Variants in LINGO2 observed in about 807,000 individuals in gnomAD.
The protein encoded by LINGO2 is leucine-rich repeat and immunoglobulin-like domain-containing nogo receptor-interacting protein 2.
Under a neutral mutation model 30.6 loss-of-function variants are expected in LINGO2, and 14 were observed. The ratio of observed to expected loss-of-function variants is 0.46; its 90% CI spans 0.30 to 0.72. The LOEUF (loss-of-function observed/expected upper bound fraction) is 0.72, where lower values mean the gene tolerates loss of function less well. Among genes scored for constraint, LINGO2 ranks in the 30% least tolerant of loss-of-function variants. The pLI is 0.07. For synonymous variants in LINGO2, 317 were observed against 288.5 expected, an observed-to-expected ratio of 1.10 and a Z score of -1.00; for missense variants, 729 against 751.7, an observed-to-expected ratio of 0.97 and a Z score of 0.35.
chr9:28,167,833 C>A (rs1828474950), intron 4 of LINGO2, among the ~76,000 whole-genome samples: 1 of 152,174 alleles, frequency 6.6e-6, no homozygotes, highest in African/African-American at 2.4e-5. Context: ...AAAGAGCCCA[C>A]CAGGTGATTC....
intron 3 of LINGO2, among the ~76,000 whole-genome samples, chr9:28,297,860 A>G (rs1449125619): frequency 6.6e-6 from 1 of 152,214 alleles, no homozygotes; most frequent in Non-Finnish European, 1.5e-5. Flanking sequence ...AAGGAATTAC[A>G]GTACAATCCT....
chr9:28,282,676 A>T (rs149652218), intron 4 of LINGO2, among the ~76,000 whole-genome samples: 1 of 152,242 alleles, frequency 6.6e-6, no homozygotes, highest in African/African-American at 2.4e-5. Context: ...TTTTGCATCA[A>T]CTATGCCCTG....
At chr9:28,200,789 T>G (rs1820202506) in intron 4 of LINGO2, among the ~76,000 whole-genome samples, 1 of 152,212 alleles carries the variant, frequency 6.6e-6, no homozygotes, top group South Asian at 2.1e-4. Flanking sequence ...ATCAGCATTT[T>G]TAAAGTCCAG....
At chr9:28,355,737 T>G (rs1820180858) in intron 3 of LINGO2, among the ~76,000 whole-genome samples, 3 of 152,102 alleles carry the variant, frequency 2.0e-5, no homozygotes. Flanking sequence ...AGAGATTGCT[T>G]TTGCGTAGTA....
chr9:28,069,767 A>G (rs1056917975), intron 4 of LINGO2, among the ~76,000 whole-genome samples: 2 of 152,272 alleles, frequency 1.3e-5, no homozygotes, highest in Admixed American at 1.3e-4. Context: ...GGCCAGAGAC[A>G]TCCAACTTAT....
chr9:28,367,522 T>C (rs1182475983), intron 3 of LINGO2, among the ~76,000 whole-genome samples: 1 of 152,106 alleles, frequency 6.6e-6, no homozygotes, highest in African/African-American at 2.4e-5. Context: ...GGGGCCATTT[T>C]CTCTTCTTTC....
intron 1 of LINGO2, among the ~76,000 whole-genome samples, chr9:28,637,036 A>T (rs1241391998): frequency 1.3e-5 from 2 of 152,200 alleles, no homozygotes; most frequent in Admixed American, 6.5e-5. Flanking sequence ...AGCTTTCTAC[A>T]TATGGCTAGC....
At chr9:28,033,780 G>A (rs962812813) in intron 4 of LINGO2, among the ~76,000 whole-genome samples, 3 of 152,174 alleles carry the variant, frequency 2.0e-5, no homozygotes, top group Non-Finnish European at 4.4e-5. Context: ...AAATTCGTTA[G>A]GAAGACAGAA....
chr9:28,857,831 T>C, the LINGO2 span, among the ~76,000 whole-genome samples: 2 of 152,198 alleles, frequency 1.3e-5, no homozygotes, highest in African/African-American at 4.8e-5. Flanking sequence ...TTGTTGAAAA[T>C]ATATTTTGGA....
chr9:29,185,382 T>C, the LINGO2 span, among the ~76,000 whole-genome samples: 3 of 152,078 alleles, frequency 2.0e-5, no homozygotes, highest in African/African-American at 2.4e-5. Context: ...CAACAAAATA[T>C]AAAAAACTAG....
intron 1 of LINGO2, among the ~76,000 whole-genome samples, chr9:28,643,318 C>G (rs1019082322): frequency 3.3e-5 from 5 of 151,920 alleles, no homozygotes; most frequent in Non-Finnish European, 5.9e-5. Context: ...ACCAAAAAAG[C>G]ATGCTACTGG....
chr9:28,755,618 A>C, the LINGO2 span, among the ~76,000 whole-genome samples: 1 of 152,200 alleles, frequency 6.6e-6, no homozygotes, highest in African/African-American at 2.4e-5. Context: ...GGAAGGAAGA[A>C]ATGATGCTAT....
the LINGO2 span, among the ~76,000 whole-genome samples, chr9:29,163,676 A>ATCAT: frequency 1.3e-5 from 2 of 152,220 alleles, no homozygotes; most frequent in African/African-American, 4.8e-5. Flanking sequence ...AGACTATGAA[A>ATCAT]ATCCCCATTG....
At chr9:28,953,550 G>A in the LINGO2 span, among the ~76,000 whole-genome samples, 1 of 151,930 alleles carries the variant, frequency 6.6e-6, no homozygotes, top group Admixed American at 6.6e-5. Flanking sequence ...AAAAAAATTA[G>A]GGGAGTGAGA....
the LINGO2 span, among the ~76,000 whole-genome samples, chr9:28,707,544 C>A: frequency 6.6e-6 from 1 of 152,094 alleles, no homozygotes; most frequent in Non-Finnish European, 1.5e-5. Context: ...TCAAGGAGCA[C>A]TAGAATTGAA....
chr9:29,170,041 G>A, the LINGO2 span, among the ~76,000 whole-genome samples: 1 of 151,798 alleles, frequency 6.6e-6, no homozygotes, highest in Non-Finnish European at 1.5e-5. Flanking sequence ...AAACAGTATG[G>A]AGATTTCTCA....
At chr9:28,981,967 G>T in the LINGO2 span, among the ~76,000 whole-genome samples, 1 of 152,050 alleles carries the variant, frequency 6.6e-6, no homozygotes, top group Non-Finnish European at 1.5e-5. Flanking sequence ...TCAACTGCCG[G>T]CATAAGTGTT....
chr9:28,625,723 TC>T (rs2135849210), intron 1 of LINGO2, among the ~76,000 whole-genome samples: 1 of 152,272 alleles, frequency 6.6e-6, no homozygotes, highest in Admixed American at 6.5e-5. Context: ...ATTTATTTAT[TC>T]CTGAACATTT....
At chr9:28,004,114 G>A (rs1366260118) in intron 5 of LINGO2, among the ~76,000 whole-genome samples, 1 of 152,058 alleles carries the variant, frequency 6.6e-6, no homozygotes, top group Non-Finnish European at 1.5e-5. Context: ...ATCTGTCTTG[G>A]AACATCTTGA....
Sources: allele counts gnomAD v4.1 joint callset (sites outside exome capture counted in the v4.1 genomes callset), GRCh38; gene constraint gnomAD v4.1.1; transcripts MANE v1.5; gene names NCBI Gene and HGNC (gene_info 2026-07-23, HGNC 2026-07-21).